Variants in GNG2 observed in about 807,000 individuals in gnomAD.
The protein encoded by GNG2 is guanine nucleotide-binding protein G(I)/G(S)/G(O) subunit gamma-2.
In GNG2, 5 loss-of-function variants were observed where a neutral mutation model predicts 5.5. The observed-to-expected ratio is 0.91, with a 90% confidence interval of 0.48 to 1.92. The LOEUF (loss-of-function observed/expected upper bound fraction) is 1.92. Among genes scored for constraint, GNG2 ranks in the 30% most tolerant of loss-of-function variants. The pLI is 0.01. For missense variants in GNG2, 55 were observed against 88.4 expected, an observed-to-expected ratio of 0.62 and a Z score of 1.52; for synonymous variants, 28 against 32.0, an observed-to-expected ratio of 0.88 and a Z score of 0.42.
chr14:51,921,482 A>G (rs113004739), intron 2 of GNG2, among the ~76,000 whole-genome samples: 145 of 152,312 alleles, frequency 9.5e-4, no homozygotes, highest in African/African-American at 3.3e-3. Flanking sequence ...TTCTTACCAA[A>G]CCTGCTTTGT....
chr14:51,901,179 A>C (rs1365566891), intron 2 of GNG2, among the ~76,000 whole-genome samples: 1 of 150,334 alleles, frequency 6.7e-6, no homozygotes. Context: ...GTAAAGAGAA[A>C]GTATTTCTTT....
intron 3 of GNG2, chr14:51,952,065 C>T (rs371322261): frequency 1.2e-5 from 7 of 603,468 alleles, no homozygotes; most frequent in East Asian, 5.6e-5. Flanking sequence ...CAGTTCATTC[C>T]GATGTATAGC....
At chr14:51,838,615 A>C (rs1472765152) in intron 2 of GNG2, among the ~76,000 whole-genome samples, 1 of 152,234 alleles carries the variant, frequency 6.6e-6, no homozygotes, top group Non-Finnish European at 1.5e-5. Flanking sequence ...AAAATGTTTT[A>C]AATTTTTTAT....
chr14:51,833,552 C>G (rs980714258), intron 2 of GNG2, among the ~76,000 whole-genome samples: 1 of 152,168 alleles, frequency 6.6e-6, no homozygotes, highest in Non-Finnish European at 1.5e-5. Flanking sequence ...TAGGAGAAGT[C>G]CAGATGCCTC....
In GNG2 at chr14:51,882,635, G is replaced by T. The variant is rs532570221; in HGVS notation, c.-30+4978G>T. ...GGTCACAGTAAAAATTTGTTTTTAA[G>T]TTTAAAAATTTAAAATACTGGACTT... is the stretch of plus-strand genomic sequence containing the variant. On this transcript the variant is annotated intron_variant, in intron 2 of 3. Transcript: ENST00000556766. Among the ~76,000 whole-genome samples, 10 of 152,318 alleles carry T rather than the reference G, an allele frequency of 6.6e-5. No homozygotes were observed. In the South Asian group the frequency reaches 2.1e-3, roughly 32 times the overall value.
chr14:51,952,723 T>A (rs1332591192), intron 3 of GNG2, among the ~76,000 whole-genome samples: 1 of 152,144 alleles, frequency 6.6e-6, no homozygotes, highest in Non-Finnish European at 1.5e-5. Context: ...TCAGAAATAG[T>A]TTAGACTTTT....
At chr14:51,884,011 T>C (rs531612541) in intron 2 of GNG2, among the ~76,000 whole-genome samples, 10 of 152,264 alleles carry the variant, frequency 6.6e-5, no homozygotes, top group Admixed American at 2.6e-4. Flanking sequence ...AGCGTTTTTT[T>C]CCCACCAACT....
chr14:51,928,897 C>A (rs1386762217), intron 2 of GNG2, among the ~76,000 whole-genome samples: 2 of 152,150 alleles, frequency 1.3e-5, no homozygotes, highest in East Asian at 3.8e-4. Context: ...TTCTAGCCTC[C>A]ATACCATCAC....
chr14:51,931,961 T>C (rs1887681178), intron 2 of GNG2, among the ~76,000 whole-genome samples: 2 of 151,702 alleles, frequency 1.3e-5, no homozygotes, highest in Admixed American at 1.3e-4. Context: ...ATAAAGAAAA[T>C]GTGGGCCGGG....
chr14:51,912,522 C>T (rs984991068), intron 2 of GNG2, among the ~76,000 whole-genome samples: 3 of 152,156 alleles, frequency 2.0e-5, no homozygotes, highest in African/African-American at 7.2e-5. Context: ...CCAGAGATGC[C>T]TAACACCATC....
intron 2 of GNG2, among the ~76,000 whole-genome samples, chr14:51,838,152 T>G (rs199636451): frequency 3.3e-5 from 5 of 152,206 alleles, no homozygotes; most frequent in African/African-American, 1.2e-4. Context: ...TTTTATGAGA[T>G]CTACACAATT....
intron 2 of GNG2, among the ~76,000 whole-genome samples, chr14:51,901,128 A>C (rs1290705089): frequency 6.6e-6 from 1 of 152,194 alleles, no homozygotes; most frequent in Non-Finnish European, 1.5e-5. Flanking sequence ...CATTAGAGCT[A>C]TATTGGGTGT....
intron 2 of GNG2, among the ~76,000 whole-genome samples, chr14:51,903,987 A>G (rs780419363): frequency 5.9e-5 from 9 of 152,236 alleles, no homozygotes; most frequent in Non-Finnish European, 1.2e-4. Flanking sequence ...GAACTTTACC[A>G]TAGAAGGAAT....
At chr14:51,830,615 A>G (rs536631979) in intron 2 of GNG2, among the ~76,000 whole-genome samples, 1 of 152,270 alleles carries the variant, frequency 6.6e-6, no homozygotes, top group South Asian at 2.1e-4. Flanking sequence ...TCACTTGCAG[A>G]CTCTACATTG....
chr14:51,888,456 C>T (rs916114277), intron 2 of GNG2, among the ~76,000 whole-genome samples: 2 of 152,048 alleles, frequency 1.3e-5, no homozygotes, highest in Non-Finnish European at 2.9e-5. Context: ...GTAGCTAGGA[C>T]CACAGGTGCA....
intron 3 of GNG2, among the ~76,000 whole-genome samples, chr14:51,963,457 G>C (rs1428496654): frequency 6.6e-6 from 1 of 152,136 alleles, no homozygotes; most frequent in Non-Finnish European, 1.5e-5. Context: ...CTCCTGTTTG[G>C]TGTAACAATG....
chr14:51,865,730 G>A (rs1317924936), intron 1 of GNG2, among the ~76,000 whole-genome samples: 3 of 151,874 alleles, frequency 2.0e-5, no homozygotes, highest in Non-Finnish European at 4.4e-5. Context: ...AAGAGTAGAC[G>A]GTTTACATTT....
At chr14:51,901,093 T>A (rs1003425392) in intron 2 of GNG2, among the ~76,000 whole-genome samples, 3 of 152,258 alleles carry the variant, frequency 2.0e-5, no homozygotes, top group African/African-American at 7.2e-5. Flanking sequence ...GCATTTGTTT[T>A]GGGATATCCA....
At chr14:51,848,286 G>A (rs563210993) in intron 2 of GNG2, among the ~76,000 whole-genome samples, 3 of 152,130 alleles carry the variant, frequency 2.0e-5, no homozygotes, top group Non-Finnish European at 4.4e-5. Context: ...TTTGGCTAGC[G>A]TCATTCTGGT....
Sources: allele counts gnomAD v4.1 joint callset (sites outside exome capture counted in the v4.1 genomes callset), GRCh38; gene constraint gnomAD v4.1.1; transcripts MANE v1.5; gene names NCBI Gene and HGNC (gene_info 2026-07-23, HGNC 2026-07-21).